The following KNDC1 variants were observed in gnomAD, a reference collection of about 807,000 sequenced individuals.
KNDC1 encodes the protein kinase non-catalytic C-lobe domain containing 1, also known as kinase non-catalytic C-lobe domain-containing protein 1.
Under a neutral mutation model 172.8 loss-of-function variants are expected in KNDC1, and 106 were observed. The observed-to-expected ratio is 0.61, with a 90% CI of 0.52 to 0.72. The LOEUF (loss-of-function observed/expected upper bound fraction) is 0.72, where lower values mean the gene tolerates loss of function less well. KNDC1 is among the 30% of genes least tolerant of loss of function. The probability of loss-of-function intolerance (pLI) is 0.00; values close to 1 mark genes in which losing one functional copy is unlikely to be tolerated. For synonymous variants in KNDC1, 1,083 were observed against 1,062.2 expected, an observed-to-expected ratio of 1.02 and a Z score of -0.38; for missense variants, 2,325 against 2,394.5, an observed-to-expected ratio of 0.97 and a Z score of 0.61.
chr10:133,204,522 C>T (rs1019171419), intron 17 of KNDC1, among the ~76,000 whole-genome samples: 44 of 152,212 alleles, frequency 2.9e-4, no homozygotes, highest in African/African-American at 8.9e-4. Flanking sequence ...CCCACACTGC[C>T]GTAGCGGGGA....
intron 3 of KNDC1, among the ~76,000 whole-genome samples, chr10:133,168,661 C>T (rs1247219258): frequency 4.6e-5 from 7 of 152,226 alleles, no homozygotes; most frequent in Non-Finnish European, 1.0e-4. Context: ...CTACACTTAA[C>T]ATGTTAAAAG....
intron 9 of KNDC1, among the ~76,000 whole-genome samples, chr10:133,194,279 G>T (rs368427884): frequency 6.6e-6 from 1 of 152,278 alleles, no homozygotes; most frequent in South Asian, 2.1e-4. Flanking sequence ...ACTTGGAAAC[G>T]AAACAACACA....
rs1270353246 is a variant in KNDC1 at position 133,209,284 on chromosome 10, G to T, written c.3795-1327G>T. On this transcript the variant is annotated intron_variant, in intron 20 of 29. Coordinates refer to ENST00000304613, the MANE Select transcript of KNDC1 (RefSeq NM_152643.8). This position sits in a 1 kb window ranked among gnomAD's most constrained non-coding sequence, Gnocchi z 4.9. ...TGCGGTAGTGTGTGTGTGGTGTGTG[G>T]AGTATAGTGTGTGTGGTGTGGGGTA... 2.0e-5 allele frequency among the ~76,000 whole-genome samples: 3 copies of T among 150,220 alleles called. No individual in the cohort carries two copies. Among genetic ancestry groups the T allele is most frequent in the Non-Finnish European group, 4.4e-5 (3 of 67,542 alleles).
chr10:133,190,009 G>A (rs1164004074), intron 9 of KNDC1, among the ~76,000 whole-genome samples, 196 bp downstream of exon 9: 4 of 152,230 alleles, frequency 2.6e-5, no homozygotes, highest in Non-Finnish European at 4.4e-5. Flanking sequence ...TGGTGTGGAC[G>A]GCACTGGCCA....
At chr10:133,214,363 G>A (rs981334249) in intron 26 of KNDC1, among the ~76,000 whole-genome samples, 2 of 152,090 alleles carry the variant, frequency 1.3e-5, no homozygotes, top group Non-Finnish European at 1.5e-5. Context: ...CCACATCCAC[G>A]GCCACATCCA....
intron 3 of KNDC1, 51 bp downstream of exon 3, chr10:133,168,363 G>A (rs1442174071): frequency 1.3e-6 from 2 of 1,551,536 alleles, no homozygotes; most frequent in East Asian, 2.2e-5. Flanking sequence ...CCTCTATGGT[G>A]GCCTCTGCCA....
rs1195513211 is a variant in KNDC1 at position 133,211,739 on chromosome 10, C to T, written c.4117C>T (p.Arg1373Trp). ...LLGLLEVGMD[R>W]RAEGNPRGTD... Reference sequence around the variant, plus strand: ...GGGCCTCCTGGAGGTGGGCATGGACCGGCGGGCCGAGGGCAACCCTCGCGG... The same window carrying T: ...GGGCCTCCTGGAGGTGGGCATGGACTGGCGGGCCGAGGGCAACCCTCGCGG... The change falls in exon 23 of 30, where the codon CGG becomes TGG. Residue 1373 changes from arginine (R) to tryptophan (W), a missense_variant. Transcript: ENST00000304613. The T allele has an allele frequency of 1.1e-5, 18 of 1,609,282 alleles. No homozygotes were observed. The highest frequency in any genetic ancestry group is 1.0e-4 in the Admixed American group (6 of 59,232).
chr10:133,170,419 G>A (rs1019067590), intron 3 of KNDC1, among the ~76,000 whole-genome samples: 8 of 152,092 alleles, frequency 5.3e-5, no homozygotes, highest in South Asian at 4.2e-4. Flanking sequence ...GGACACAGGC[G>A]TGGCAGGGGC....
chr10:133,220,247 A>T (rs1845559065), intron 29 of KNDC1, 135 bp downstream of exon 29: 1 of 319,024 alleles, frequency 3.1e-6, no homozygotes, highest in Non-Finnish European at 5.2e-6. Context: ...CCAGGTGAGG[A>T]GGGGCTCAGG....
rs953632684 is a variant in KNDC1 at position 133,209,208 on chromosome 10, G to A, written c.3795-1403G>A. Among the ~76,000 whole-genome samples, 9 of 150,594 alleles carry A rather than the reference G, an allele frequency of 6.0e-5. No homozygotes were observed. The highest frequency in any genetic ancestry group is 8.8e-5 in the Non-Finnish European group (6 of 67,838). On this transcript the variant is annotated intron_variant, in intron 20 of 29. Coordinates refer to ENST00000304613, the MANE Select transcript of KNDC1 (RefSeq NM_152643.8). This position sits in a 1 kb window ranked among gnomAD's most constrained non-coding sequence, Gnocchi z 4.9. Reference sequence around the variant, plus strand: ...ATGGGGTGTAGTGTGGCGTGTACACGTGTGTGGTTGGGTTTTGTGTGGTGC... The same window carrying A: ...ATGGGGTGTAGTGTGGCGTGTACACATGTGTGGTTGGGTTTTGTGTGGTGC...
chr10:133,197,461 G>A (rs897712580), intron 11 of KNDC1, among the ~76,000 whole-genome samples: 3 of 152,196 alleles, frequency 2.0e-5, no homozygotes, highest in African/African-American at 7.2e-5. Flanking sequence ...TGGAACCCAC[G>A]GAAACCTGGT....
rs368783179 is a variant in KNDC1 at position 133,164,499 on chromosome 10, A to G, written c.103-2882A>G. On this transcript the variant is annotated intron_variant, in intron 1 of 29. Coordinates refer to ENST00000304613, the MANE Select transcript of KNDC1 (RefSeq NM_152643.8). ...GTGCGCAGGAGGCGGCGCTGGGCAG[A>G]CAGACAGGCGTCGGCCAGCTGAGGC... is the stretch of plus-strand genomic sequence containing the variant. Among the ~76,000 whole-genome samples the G allele has an allele frequency of 4.7e-4, 72 of 151,974 alleles. No individual in the cohort carries two copies. In the East Asian group the frequency reaches 0.013, roughly 28 times the overall value.
At chr10:133,174,331 G>A (rs1011727208) in intron 3 of KNDC1, 6 of 151,964 alleles carry the variant, frequency 3.9e-5, no homozygotes, top group South Asian at 2.1e-4. Flanking sequence ...AAGGAAGGGC[G>A]GTGAAGATGG....
rs1845414161 is a variant in KNDC1, at chr10:133,213,527, G to A, written c.4444-118G>A. The A allele has an allele frequency of 4.9e-6, 4 of 818,242 alleles. No homozygotes were observed. In the East Asian group the frequency reaches 8.0e-5, roughly 16 times the overall value. The allele number at this position is 818,242 out of a possible 1,614,324, so 50.7% of individuals were successfully genotyped here. On this transcript the variant is annotated intron_variant, in intron 24 of 29. Coordinates refer to ENST00000304613, the MANE Select transcript of KNDC1 (RefSeq NM_152643.8). ...CCCTGTGGACTGTTAGATGGGTATT[G>A]AACCTGGGATTGCAGAGCTGGCCCC... is the stretch of plus-strand genomic sequence containing the variant.
intron 3 of KNDC1, among the ~76,000 whole-genome samples, chr10:133,171,837 A>G (rs1163238009): frequency 6.6e-6 from 1 of 151,604 alleles, no homozygotes; most frequent in Non-Finnish European, 1.5e-5. Context: ...GCTGGTCTTG[A>G]ACTCCTGGGC....
rs1845360920 is a variant in KNDC1 at position 133,211,442 on chromosome 10, C to A, written c.3929C>A (p.Ser1310Ter). 3 of 1,605,928 alleles carry A rather than the reference C, an allele frequency of 1.9e-6. No homozygotes were observed. The highest frequency in any genetic ancestry group is 8.5e-7 in the Non-Finnish European group (1 of 1,176,686). Residue 1310 changes from serine (S) to a stop codon, truncating the protein, a stop_gained, in exon 22 of 30, where the codon TCG becomes TAG. Coordinates refer to ENST00000304613, the MANE Select transcript of KNDC1 (RefSeq NM_152643.8). LOFTEE classifies it high-confidence loss of function. ...TLTRAHQDPTSTFTKIYRRSL... is the reference protein window; with the variant it reads ...TLTRAHQDPT Reference sequence around the variant, plus strand: ...TCCAGGGCCCACCAGGACCCCACCTCGACCTTCACCAAGATCTACAGGCGG... The same window carrying A: ...TCCAGGGCCCACCAGGACCCCACCTAGACCTTCACCAAGATCTACAGGCGG...
At chr10:133,167,056 C>T (rs1232441968) in intron 1 of KNDC1, 2 of 405,430 alleles carry the variant, frequency 4.9e-6, no homozygotes, top group Admixed American at 3.8e-5. Flanking sequence ...CGTGAGCCTG[C>T]GGGGTCGGGG....
rs1853228563 is a variant in KNDC1 at position 133,167,919 on chromosome 10, A to G, written c.302-335A>G. Among the ~76,000 whole-genome samples the G allele has an allele frequency of 2.6e-5, 4 of 152,250 alleles. No individual in the cohort carries two copies. The South Asian group carries it at 8.3e-4, about 32-fold the overall frequency. On this transcript the variant is annotated intron_variant, in intron 2 of 29. Coordinates refer to ENST00000304613, the MANE Select transcript of KNDC1 (RefSeq NM_152643.8). ...GTCCCGCCTGCCCTGCTGTGAGTGGACGCAGGCCCGGGAGGGTGGGACGCC... is the reference window on the plus strand; with the variant it reads ...GTCCCGCCTGCCCTGCTGTGAGTGGGCGCAGGCCCGGGAGGGTGGGACGCC...
rs760580231 is a variant in KNDC1, at chr10:133,224,992, C to T, written c.*102C>T. ...TCAGGCCCGGCCGTTATCAAGGCCC[C>T]TCCGCCCCCGAACCCTGGGGAGCTG... On this transcript the variant is annotated 3_prime_UTR_variant, in exon 30 of 30. Coordinates refer to ENST00000304613, the MANE Select transcript of KNDC1 (RefSeq NM_152643.8). The surrounding 1 kb of genome is among the most constrained non-coding windows in gnomAD (Gnocchi z 5.4). 2 of 927,202 alleles carry T rather than the reference C, an allele frequency of 2.2e-6. No individual in the cohort carries two copies. The highest frequency in any genetic ancestry group is 3.4e-6 in the Non-Finnish European group (2 of 594,088). 57.4% of individuals were successfully genotyped at this position (927,202 alleles called of 1,614,324 possible).
Sources: gnomAD v4.1 joint callset for allele counts (sites outside exome capture counted in the v4.1 genomes callset) on GRCh38, gnomAD v4.1.1 for gene constraint, Gnocchi (gnomAD v3.1) non-coding constraint, MANE v1.5 for transcripts, NCBI Gene and HGNC (gene_info 2026-07-23, HGNC 2026-07-21) for gene names.